Variants in IL1RAPL2 observed in about 807,000 individuals in gnomAD.
IL1RAPL2 encodes the protein X-linked interleukin-1 receptor accessory protein-like 2.
Under a neutral mutation model 44.1 loss-of-function variants are expected in IL1RAPL2, and 3 were observed. That is an observed-to-expected ratio of 0.07 (90% confidence interval 0.03 to 0.18). The LOEUF (loss-of-function observed/expected upper bound fraction) is 0.18. IL1RAPL2 is among the 10% of genes least tolerant of loss of function. IL1RAPL2 has a pLI of 1.00. For synonymous variants in IL1RAPL2, 181 were observed against 178.8 expected (o/e 1.01, Z -0.10); for missense variants, 391 against 496.4 (o/e 0.79, Z 2.02).
At chrX:105,309,869 T>G (rs963390654) in intron 5 of IL1RAPL2, among the ~76,000 whole-genome samples, 2 of 112,155 alleles carry the variant, frequency 1.8e-5, no homozygotes, top group African/African-American at 6.5e-5. Flanking sequence ...TGTTTTCAAG[T>G]ATACATATGT....
intron 2 of IL1RAPL2, among the ~76,000 whole-genome samples, chrX:105,138,261 A>G (rs1422644754): frequency 9.0e-6 from 1 of 111,036 alleles, no homozygotes; most frequent in Admixed American, 9.6e-5. Flanking sequence ...TTTATTTCAA[A>G]TAAATTTGAA....
chrX:104,613,859 C>G (rs1929217230), intron 1 of IL1RAPL2, among the ~76,000 whole-genome samples: 1 of 88,753 alleles, frequency 1.1e-5, no homozygotes, highest in South Asian at 6.3e-4. Flanking sequence ...ATTACTAACT[C>G]AATTTCAGAA....
intron 4 of IL1RAPL2, among the ~76,000 whole-genome samples, chrX:105,237,901 C>T (rs1314465207): frequency 3.6e-5 from 4 of 111,594 alleles, no homozygotes; most frequent in Admixed American, 2.9e-4. Context: ...TACATTTGTC[C>T]AGAGTTTATT....
At chrX:104,773,111 G>A (rs761278532) in intron 2 of IL1RAPL2, among the ~76,000 whole-genome samples, 8 of 110,964 alleles carry the variant, frequency 7.2e-5, no homozygotes, top group African/African-American at 1.3e-4. Context: ...GTCTCACTGT[G>A]TTGCCCAGGC....
At chrX:105,290,999 T>C (rs1195427774) in intron 5 of IL1RAPL2, among the ~76,000 whole-genome samples, 1 of 111,493 alleles carries the variant, frequency 9.0e-6, no homozygotes, top group Non-Finnish European at 1.9e-5. Flanking sequence ...GCTGGGCCCT[T>C]AGCCCCTCAT....
intron 1 of IL1RAPL2, among the ~76,000 whole-genome samples, chrX:104,634,402 T>G (rs940582931): frequency 1.8e-5 from 2 of 111,509 alleles, no homozygotes; most frequent in African/African-American, 6.5e-5. Context: ...ATATCCTTGT[T>G]AACTTTCTGT....
intron 2 of IL1RAPL2, among the ~76,000 whole-genome samples, chrX:105,088,981 G>C (rs1020267931): frequency 9.0e-6 from 1 of 110,574 alleles, no homozygotes; most frequent in Non-Finnish European, 1.9e-5. Context: ...CTGAATGGGG[G>C]AATAATTATT....
At chrX:105,687,571 T>C (rs1392326498) in intron 6 of IL1RAPL2, among the ~76,000 whole-genome samples, 2 of 110,597 alleles carry the variant, frequency 1.8e-5, no homozygotes, top group African/African-American at 6.6e-5. Flanking sequence ...GGCTCAGAAA[T>C]TGAAATAATA....
Position 104,769,550 on chromosome X carries a change from AAGT to A in IL1RAPL2, c.82+110558_82+110560del, listed in dbSNP as rs984805365. On this transcript the variant is annotated intron_variant, in intron 2 of 10. Transcript: ENST00000372582. ...ACATGTAGAAAAGTCTTCTCTGACA[AAGT>A]AGCAGTAATTATGAAATATATATCA... Among the ~76,000 whole-genome samples, 3 of 112,496 alleles carry A rather than the reference AAGT, an allele frequency of 2.7e-5. No individual in the cohort carries two copies. In the Admixed American group the frequency reaches 2.8e-4, roughly 11 times the overall value.
chrX:105,551,333 A>G (rs1220646652), intron 6 of IL1RAPL2, among the ~76,000 whole-genome samples: 2 of 110,028 alleles, frequency 1.8e-5, no homozygotes, highest in Non-Finnish European at 3.8e-5. Context: ...ATTAGTACCC[A>G]GTCTTCACAT....
chrX:105,158,795 C>T (rs980350879), intron 2 of IL1RAPL2, among the ~76,000 whole-genome samples: 23 of 111,741 alleles, frequency 2.1e-4, no homozygotes, highest in African/African-American at 7.2e-4. Context: ...GTTCTGGTCC[C>T]ATTTCTTCTA....
chrX:104,764,199 A>AT (rs200963384), intron 2 of IL1RAPL2, among the ~76,000 whole-genome samples: 41,077 of 108,155 alleles, frequency 0.38, 6,090 homozygotes, highest in East Asian at 0.46. Context: ...TGAACATGGA[A>AT]TTTTTTTTCA....
At chrX:104,620,509 G>A (rs967607835) in intron 1 of IL1RAPL2, among the ~76,000 whole-genome samples, 35 of 106,004 alleles carry the variant, frequency 3.3e-4, no homozygotes, top group African/African-American at 1.1e-3. Flanking sequence ...GCATGGTGGC[G>A]GGTGCCTGTA....
At chrX:105,540,912 T>TGATATATAATACATACA (rs1569452168) in intron 6 of IL1RAPL2, among the ~76,000 whole-genome samples, 1 of 45,128 alleles carries the variant, frequency 2.2e-5, no homozygotes, top group Non-Finnish European at 5.1e-5. Context: ...CATACATATA[T>TGATATATAATACATACA]TATATATGAT....
intron 1 of IL1RAPL2, among the ~76,000 whole-genome samples, chrX:104,582,093 A>G (rs979007972): frequency 8.9e-6 from 1 of 112,090 alleles, no homozygotes; most frequent in African/African-American, 3.2e-5. Context: ...CTTTCTGCCT[A>G]AATACTGCTG....
At chrX:105,127,793 A>G (rs1384309549) in intron 2 of IL1RAPL2, among the ~76,000 whole-genome samples, 1 of 111,272 alleles carries the variant, frequency 9.0e-6, no homozygotes, top group Non-Finnish European at 1.9e-5. Flanking sequence ...AGTATTTCAC[A>G]AGGAAAATGC....
At chrX:104,576,224 A>G (rs1569486921) in intron 1 of IL1RAPL2, among the ~76,000 whole-genome samples, 1 of 111,548 alleles carries the variant, frequency 9.0e-6, no homozygotes, top group African/African-American at 3.3e-5. Context: ...AAAGCTATTG[A>G]AATGGCTGTT....
intron 1 of IL1RAPL2, among the ~76,000 whole-genome samples, chrX:104,610,980 A>T (rs1056227357): frequency 9.0e-6 from 1 of 111,241 alleles, no homozygotes; most frequent in African/African-American, 3.3e-5. Context: ...CAGTATCACC[A>T]ATGGAGGCTG....
chrX:105,278,077 T>A (rs1402949862), intron 5 of IL1RAPL2, among the ~76,000 whole-genome samples: 1 of 111,821 alleles, frequency 8.9e-6, no homozygotes, highest in Non-Finnish European at 1.9e-5. Flanking sequence ...GAACAAATAC[T>A]ATTAACTTTC....
Sources: allele counts gnomAD v4.1 joint callset (sites outside exome capture counted in the v4.1 genomes callset), GRCh38; gene constraint gnomAD v4.1.1; transcripts MANE v1.5; gene names NCBI Gene and HGNC (gene_info 2026-07-23, HGNC 2026-07-21).